The following XKR4 variants were observed in gnomAD, a reference collection of about 807,000 sequenced individuals.
The protein encoded by XKR4 is XK related 4, also known as XK-related protein 4.
Under a neutral mutation model 53.9 loss-of-function variants are expected in XKR4, and 12 were observed. The observed-to-expected ratio is 0.22, with a 90% confidence interval of 0.14 to 0.36. The LOEUF is 0.36. XKR4 is among the 10% of genes least tolerant of loss of function. The pLI is 1.00. For synonymous variants in XKR4, 354 were observed against 362.4 expected (o/e 0.98, Z 0.26); for missense variants, 799 against 859.5 (o/e 0.93, Z 0.88).
chr8:55,460,694 C>T (rs2975969), intron 2 of XKR4, among the ~76,000 whole-genome samples: 62,201 of 151,928 alleles, frequency 0.41, 13,378 homozygotes, highest in East Asian at 0.53. Flanking sequence ...TCGCCTCACC[C>T]GGGAAGCACA....
intron 1 of XKR4, among the ~76,000 whole-genome samples, chr8:55,280,041 G>A (rs1818818759): frequency 6.6e-6 from 1 of 152,040 alleles, no homozygotes; most frequent in Non-Finnish European, 1.5e-5. Flanking sequence ...TCTCCCTTTG[G>A]CCTTGTAATG....
chr8:55,116,707 T>A (rs1816313878), intron 1 of XKR4, among the ~76,000 whole-genome samples: 1 of 152,208 alleles, frequency 6.6e-6, no homozygotes, highest in Non-Finnish European at 1.5e-5. Context: ...TTCCCTTTCA[T>A]GTAAGAGCTG....
intron 1 of XKR4, among the ~76,000 whole-genome samples, chr8:55,179,083 C>A (rs181866487): frequency 2.6e-5 from 4 of 152,048 alleles, no homozygotes; most frequent in Admixed American, 2.6e-4. Flanking sequence ...GCAGGAGGAG[C>A]TAGACATCAT....
chr8:55,326,598 G>A (rs1264084595), intron 1 of XKR4, among the ~76,000 whole-genome samples: 1 of 150,294 alleles, frequency 6.7e-6, no homozygotes, highest in African/African-American at 2.5e-5. Flanking sequence ...AGCCTCCTGA[G>A]TAGCTGGGAC....
intron 1 of XKR4, among the ~76,000 whole-genome samples, chr8:55,351,572 T>C (rs921190666): frequency 6.6e-6 from 1 of 152,214 alleles, no homozygotes; most frequent in Admixed American, 6.5e-5. Flanking sequence ...CTACTGACCA[T>C]GGAGGTCCTG....
At chr8:55,238,021 G>T (rs1818158592) in intron 1 of XKR4, among the ~76,000 whole-genome samples, 1 of 152,078 alleles carries the variant, frequency 6.6e-6, no homozygotes, top group African/African-American at 2.4e-5. Flanking sequence ...CAGAAGTCTT[G>T]GTCACACATT....
In XKR4 at chr8:55,530,993, T is replaced by C. The variant is rs1290921161; in HGVS notation, c.*6766T>C. On this transcript the variant is annotated 3_prime_UTR_variant, in exon 3 of 3. Coordinates refer to ENST00000327381, the MANE Select transcript of XKR4 (RefSeq NM_052898.2). ...AGTCTGGCTATTAGCAGCACAATCA[T>C]AGTTTTCTGACGCCAGCTCTTACTC... The C allele has an allele frequency of 6.6e-6, 1 of 152,192 alleles. No homozygotes were observed. Among genetic ancestry groups the C allele is most frequent in the Admixed American group, 6.5e-5 (1 of 15,286 alleles). The allele number at this position is 152,192 out of a possible 1,614,324, so 9.4% of individuals were successfully genotyped here.
At chr8:55,190,213 G>C (rs567813213) in intron 1 of XKR4, among the ~76,000 whole-genome samples, 2 of 152,166 alleles carry the variant, frequency 1.3e-5, no homozygotes, top group African/African-American at 4.8e-5. Context: ...GGCTGGAATG[G>C]CTGGGCTTGG....
At chr8:55,451,305 C>T (rs1342732090) in intron 2 of XKR4, 9 of 597,176 alleles carry the variant, frequency 1.5e-5, no homozygotes, top group East Asian at 1.4e-4. Context: ...GTCTGGATGC[C>T]GCCGCCATGG....
chr8:55,451,549 C>T lies in XKR4; in HGVS notation c.1007-71732C>T, dbSNP rs1483186481. On this transcript the variant is annotated intron_variant, in intron 2 of 2. Transcript: ENST00000327381. ...TCCGACTACACCTATGCCGTACAGG[C>T]CCCCAGAATGCAGCAGTACTGCCTT... 5 of 1,062,988 alleles carry T rather than the reference C, an allele frequency of 4.7e-6. No homozygotes were observed. The Admixed American group carries it at 1.1e-4, about 24-fold the overall frequency. The allele number at this position is 1,062,988 out of a possible 1,614,324, so 65.8% of individuals were successfully genotyped here. A position where few individuals can be genotyped will look rare whatever the true frequency, so the allele number is the denominator to read the frequency against.
At chr8:55,142,193 C>T in intron 1 of XKR4, 4 of 456,066 alleles carry the variant, frequency 8.8e-6, no homozygotes, top group South Asian at 4.6e-5. Context: ...TCTTCTCCTG[C>T]TGATCTGCTG....
chr8:55,243,883 A>C (rs1818245578), intron 1 of XKR4, among the ~76,000 whole-genome samples: 1 of 152,360 alleles, frequency 6.6e-6, no homozygotes, highest in South Asian at 2.1e-4. Flanking sequence ...TAACCTAGAC[A>C]GTGCGTGCAA....
intron 1 of XKR4, among the ~76,000 whole-genome samples, chr8:55,269,642 C>A (rs531368878): frequency 6.6e-6 from 1 of 152,102 alleles, no homozygotes; most frequent in African/African-American, 2.4e-5. Context: ...AATAACAGCT[C>A]AGAGCCAAGT....
At chr8:55,394,892 T>A (rs891606310) in intron 2 of XKR4, among the ~76,000 whole-genome samples, 4 of 152,208 alleles carry the variant, frequency 2.6e-5, no homozygotes, top group Admixed American at 6.5e-5. Context: ...CATCTTCATT[T>A]TGTAATCACT....
intron 1 of XKR4, among the ~76,000 whole-genome samples, chr8:55,271,815 C>G (rs1212545176): frequency 1.3e-5 from 2 of 152,200 alleles, no homozygotes; most frequent in Admixed American, 1.3e-4. Context: ...CTGATTGTTT[C>G]AGCAGTTTTT....
chr8:55,354,904 ATTTT>A (rs772993526), intron 1 of XKR4, among the ~76,000 whole-genome samples: 1 of 142,640 alleles, frequency 7.0e-6, no homozygotes. Context: ...TCAGTATAGA[ATTTT>A]TTTTTTTTTT....
At chr8:55,413,103 A>G (rs1209496801) in intron 2 of XKR4, among the ~76,000 whole-genome samples, 2 of 152,260 alleles carry the variant, frequency 1.3e-5, no homozygotes, top group African/African-American at 2.4e-5. Flanking sequence ...ACTAATATTT[A>G]GTCCACAATT....
At chr8:55,433,000 G>A (rs901018030) in intron 2 of XKR4, among the ~76,000 whole-genome samples, 1 of 152,112 alleles carries the variant, frequency 6.6e-6, no homozygotes, top group African/African-American at 2.4e-5. Flanking sequence ...CCTTCAAGGT[G>A]GCAAACTGGC....
At chr8:55,190,198 A>G (rs568543113) in intron 1 of XKR4, among the ~76,000 whole-genome samples, 1 of 152,316 alleles carries the variant, frequency 6.6e-6, no homozygotes, top group South Asian at 2.1e-4. Context: ...TGGGAGCAGA[A>G]GTGGGGCTGG....
Sources: allele counts gnomAD v4.1 joint callset (sites outside exome capture counted in the v4.1 genomes callset), GRCh38; gene constraint gnomAD v4.1.1; transcripts MANE v1.5; gene names NCBI Gene and HGNC (gene_info 2026-07-23, HGNC 2026-07-21).